Variants in ZCCHC7 observed in about 807,000 individuals in gnomAD.
ZCCHC7 encodes zinc finger CCHC domain-containing protein 7.
A neutral mutation model predicts 52.0 loss-of-function variants in ZCCHC7; 35 were observed. The observed-to-expected ratio is 0.67, with a 90% CI of 0.51 to 0.89. The LOEUF (loss-of-function observed/expected upper bound fraction) is 0.89, where lower values mean the gene tolerates loss of function less well. Ranked by LOEUF, ZCCHC7 falls within the 40% of genes least tolerant of loss-of-function variation. The pLI is 0.00. For missense variants in ZCCHC7, 574 were observed against 649.1 expected, an observed-to-expected ratio of 0.88 and a Z score of 1.26; for synonymous variants, 217 against 221.5, an observed-to-expected ratio of 0.98 and a Z score of 0.18.
intron 2 of ZCCHC7, among the ~76,000 whole-genome samples, chr9:37,287,083 G>A (rs1464082329): frequency 2.4e-5 from 3 of 127,252 alleles, no homozygotes; most frequent in African/African-American, 6.1e-5. Context: ...AGGCTGAAGT[G>A]CAGTGGTGTA....
chr9:37,216,325 GAC>G (rs1824502226), intron 2 of ZCCHC7, among the ~76,000 whole-genome samples: 1 of 152,158 alleles, frequency 6.6e-6, no homozygotes, highest in Non-Finnish European at 1.5e-5. Flanking sequence ...ATTATTGTGA[GAC>G]ATTATTTTAT....
chr9:37,155,560 T>C (rs886814525), intron 2 of ZCCHC7, among the ~76,000 whole-genome samples: 5 of 152,234 alleles, frequency 3.3e-5, no homozygotes, highest in African/African-American at 1.2e-4. Flanking sequence ...TACTTTTACA[T>C]TTAAGTCCAG....
At chr9:37,157,908 A>G (rs1287623505) in intron 2 of ZCCHC7, among the ~76,000 whole-genome samples, 1 of 152,220 alleles carries the variant, frequency 6.6e-6, no homozygotes, top group African/African-American at 2.4e-5. Context: ...TAAAACTAGA[A>G]CTACTGTCTG....
At chr9:37,273,120 G>C (rs374999098) in intron 2 of ZCCHC7, among the ~76,000 whole-genome samples, 1 of 152,182 alleles carries the variant, frequency 6.6e-6, no homozygotes, top group East Asian at 1.9e-4. Context: ...GTCTGTGGCT[G>C]TTTTCGGCCC....
intron 2 of ZCCHC7, among the ~76,000 whole-genome samples, chr9:37,276,056 T>A (rs1454343470): frequency 1.3e-5 from 2 of 152,222 alleles, no homozygotes; most frequent in East Asian, 3.8e-4. Flanking sequence ...TTGTTAGTAT[T>A]CTTAATTCTG....
chr9:37,242,012 A>G (rs558488756), intron 2 of ZCCHC7, among the ~76,000 whole-genome samples: 1 of 151,586 alleles, frequency 6.6e-6, no homozygotes, highest in South Asian at 2.1e-4. Context: ...AGTGATGCTG[A>G]TATTTTCTCA....
At chr9:37,263,696 C>T (rs1470121072) in intron 2 of ZCCHC7, among the ~76,000 whole-genome samples, 1 of 152,118 alleles carries the variant, frequency 6.6e-6, no homozygotes, top group Admixed American at 6.6e-5. Flanking sequence ...TACACACATA[C>T]GTTTGCAGAA....
At chr9:37,302,874 G>A (rs79650886) in intron 3 of ZCCHC7, among the ~76,000 whole-genome samples, 7,723 of 152,132 alleles carry the variant, frequency 0.051, 638 homozygotes, top group African/African-American at 0.17. Context: ...CACTCTGTAG[G>A]CAGAATGGAT....
In ZCCHC7 at chr9:37,356,857, C is replaced by T. The variant is rs1821731680; in HGVS notation, c.1221C>T (p.Ile407=). 6.2e-7 allele frequency: 1 copy of T among 1,603,776 alleles called. No individual in the cohort carries two copies. Among genetic ancestry groups the T allele is most frequent in the Middle Eastern group, 1.7e-4 (1 of 6,002 alleles). The change falls in exon 9 of 9, where the codon ATC becomes ATT. Residue 407 remains isoleucine (I), a synonymous_variant. Transcript: ENST00000336755. Reference sequence around the variant, plus strand: ...CAGTACTCAAGAAAAATGGGGTTATCCCAGAGCCATCCAAGCTACCTTATA... The same window carrying T: ...CAGTACTCAAGAAAAATGGGGTTATTCCAGAGCCATCCAAGCTACCTTATA... ...KIKVLKKNGV[I]PEPSKLPYIK...
At position 37,186,689 on chromosome 9, in the gene ZCCHC7, C is replaced by T. The variant is rs1021344121; in HGVS notation, c.610+59747C>T. 16 of 587,830 alleles carry T rather than the reference C, an allele frequency of 2.7e-5. No homozygotes were observed. In the Admixed American group the frequency reaches 4.0e-4, roughly 15 times the overall value. The allele number at this position is 587,830 out of a possible 1,614,324, so 36.4% of individuals were successfully genotyped here. A position where few individuals can be genotyped will look rare whatever the true frequency, so the allele number is the denominator to read the frequency against. ...TATACTCTTAGAATATTTACAGATT[C>T]AAATATTTTTTTTTCCTTGCAGGCC... On this transcript the variant is annotated intron_variant, in intron 2 of 8. Transcript: ENST00000336755.
intron 2 of ZCCHC7, among the ~76,000 whole-genome samples, chr9:37,134,241 AT>A (rs149767673): frequency 0.051 from 7,694 of 152,014 alleles, 635 homozygotes; most frequent in African/African-American, 0.17. Context: ...GTTCCCCTTA[AT>A]CTCTTCCTTT....
chr9:37,155,803 G>A (rs776266097), intron 2 of ZCCHC7, among the ~76,000 whole-genome samples: 9 of 152,242 alleles, frequency 5.9e-5, no homozygotes, highest in Non-Finnish European at 1.2e-4. Flanking sequence ...TAATGGTTAA[G>A]GGTGTGAGTA....
intron 2 of ZCCHC7, among the ~76,000 whole-genome samples, chr9:37,243,980 C>G (rs1825978726): frequency 1.3e-5 from 2 of 151,788 alleles, no homozygotes; most frequent in Admixed American, 1.3e-4. Flanking sequence ...AACTTACTAT[C>G]CTGTACATCT....
At position 37,341,981 on chromosome 9, in the gene ZCCHC7, A is replaced by T. The variant is rs149510364; in HGVS notation, c.988-7376A>T. ...AGTTTTTGGCTTTTTCTCTGAGATGAGAAGCTGTTAGAGAGTTTTGAGCTG... is the reference window on the plus strand; with the variant it reads ...AGTTTTTGGCTTTTTCTCTGAGATGTGAAGCTGTTAGAGAGTTTTGAGCTG... On this transcript the variant is annotated intron_variant, in intron 6 of 8. Transcript: ENST00000336755. 9.2e-5 allele frequency among the ~76,000 whole-genome samples: 14 copies of T among 152,262 alleles called. No homozygotes were observed. The East Asian group carries it at 2.7e-3, about 29-fold the overall frequency.
At chr9:37,199,706 T>G (rs28732990) in intron 2 of ZCCHC7, among the ~76,000 whole-genome samples, 5 of 149,602 alleles carry the variant, frequency 3.3e-5, no homozygotes, top group African/African-American at 9.8e-5. Flanking sequence ...CTGTCTTTCT[T>G]TCTGTCTTTC....
intron 2 of ZCCHC7, chr9:37,284,170 A>C (rs1325067952): frequency 6.7e-6 from 1 of 150,288 alleles, no homozygotes; most frequent in African/African-American, 2.5e-5. Flanking sequence ...TGTACCCACC[A>C]AAAAAAAAGA....
At chr9:37,264,468 T>C (rs1385229997) in intron 2 of ZCCHC7, among the ~76,000 whole-genome samples, 1 of 148,452 alleles carries the variant, frequency 6.7e-6, no homozygotes, top group Non-Finnish European at 1.5e-5. Context: ...TCTTTTTTTT[T>C]GTGGAGGGCA....
At chr9:37,240,293 A>ATTG (rs1444319114) in intron 2 of ZCCHC7, among the ~76,000 whole-genome samples, 2 of 151,938 alleles carry the variant, frequency 1.3e-5, no homozygotes, top group African/African-American at 4.8e-5. Flanking sequence ...TTGGCTTTAG[A>ATTG]TTGTTACTAA....
intron 2 of ZCCHC7, among the ~76,000 whole-genome samples, chr9:37,215,424 T>A (rs1824452852): frequency 1.3e-5 from 2 of 152,222 alleles, no homozygotes; most frequent in Admixed American, 6.5e-5. Flanking sequence ...AGATTAATGA[T>A]GCTATTTATC....
Sources: gnomAD v4.1 joint callset for allele counts (sites outside exome capture counted in the v4.1 genomes callset) on GRCh38, gnomAD v4.1.1 for gene constraint, MANE v1.5 for transcripts, NCBI Gene and HGNC (gene_info 2026-07-23, HGNC 2026-07-21) for gene names.